Variants in DLG1 observed in about 807,000 individuals in gnomAD.
DLG1 encodes the protein discs large MAGUK scaffold protein 1.
Under a neutral mutation model 123.4 loss-of-function variants are expected in DLG1, and 42 were observed. That is an observed-to-expected ratio of 0.34 (90% confidence interval 0.27 to 0.44). The LOEUF is 0.44. Ranked by LOEUF, DLG1 falls within the 20% of genes least tolerant of loss-of-function variation. DLG1 has a pLI of 1.00. For synonymous variants in DLG1, 317 were observed against 356.2 expected (o/e 0.89, Z 1.24); for missense variants, 942 against 1,082.6 (o/e 0.87, Z 1.82).
At position 197,059,941 on chromosome 3, in the gene DLG1, G is replaced by A; in HGVS notation, c.2431C>T (p.Gln811Ter). ...ATAAAAATGGAGATAGGGTAAAGCT[G>A]TGCAATCTGTAATCTCTTTATGGCA... ...GNAIKRLQIAQLYPISIFIKP... is the reference protein window; with the variant it reads ...GNAIKRLQIA The change falls in exon 23 of 25, where the codon CAG becomes TAG. Residue 811 changes from glutamine to a stop codon, truncating the protein, a stop_gained. Transcript: ENST00000667157. LOFTEE classifies it high-confidence loss of function. 1 of 1,613,790 alleles carries A rather than the reference G, an allele frequency of 6.2e-7. No individual in the cohort carries two copies. Among genetic ancestry groups the A allele is most frequent in the Non-Finnish European group, 8.5e-7 (1 of 1,179,842 alleles).
intron 4 of DLG1, among the ~76,000 whole-genome samples, chr3:197,279,003 T>A (rs1767899768): frequency 6.6e-6 from 1 of 152,212 alleles, no homozygotes; most frequent in South Asian, 2.1e-4. Flanking sequence ...ATTTTCAAAT[T>A]TTTCAAGTTA....
At chr3:197,128,571 A>G (rs1270524018) in intron 11 of DLG1, among the ~76,000 whole-genome samples, 2 of 152,236 alleles carry the variant, frequency 1.3e-5, no homozygotes, top group African/African-American at 4.8e-5. Context: ...AAAGGCATCT[A>G]GACTGGTGAA....
At chr3:197,051,479 G>C (rs1727685748) in intron 24 of DLG1, 98 bp downstream of exon 24, 3 of 882,656 alleles carry the variant, frequency 3.4e-6, no homozygotes, top group Admixed American at 2.0e-5. Flanking sequence ...ACTACGGGTA[G>C]ATGTAGGCAT....
Position 197,122,374 on chromosome 3 carries a change from G to A in DLG1, c.1166-2844C>T, listed in dbSNP as rs563567413. Among the ~76,000 whole-genome samples, 8 of 152,108 alleles carry A rather than the reference G, an allele frequency of 5.3e-5. No individual in the cohort carries two copies. In the East Asian group the frequency reaches 1.5e-3, roughly 29 times the overall value. On this transcript the variant is annotated intron_variant, in intron 11 of 24. Transcript: ENST00000667157. ...ACACCATATACAATGGTGAAATACT[G>A]TGTCCCCCAGTTTGTGAACATGACA...
chr3:197,281,716 G>C (rs1487061058), intron 4 of DLG1, among the ~76,000 whole-genome samples: 2 of 152,204 alleles, frequency 1.3e-5, no homozygotes, highest in Non-Finnish European at 2.9e-5. Context: ...TAAGAGTCCT[G>C]AAATTCAAAG....
chr3:197,202,322 C>T (rs1726202926), intron 4 of DLG1, among the ~76,000 whole-genome samples: 1 of 152,050 alleles, frequency 6.6e-6, no homozygotes, highest in African/African-American at 2.4e-5. Context: ...GATTATAGAA[C>T]CTGAAAACAC....
chr3:197,256,708 G>A (rs1757037497), intron 4 of DLG1, among the ~76,000 whole-genome samples: 1 of 152,116 alleles, frequency 6.6e-6, no homozygotes, highest in African/African-American at 2.4e-5. Flanking sequence ...CCTATAGTTT[G>A]GTTATAAGTT....
chr3:197,219,776 A>G (rs34381158), intron 4 of DLG1, among the ~76,000 whole-genome samples: 43,255 of 152,030 alleles, frequency 0.28, 7,455 homozygotes, highest in East Asian at 0.71. Context: ...GTGAAGAGGC[A>G]GTAAGAAGGT....
chr3:197,207,246 T>C (rs1030457880), intron 4 of DLG1, among the ~76,000 whole-genome samples: 1 of 152,194 alleles, frequency 6.6e-6, no homozygotes, highest in Non-Finnish European at 1.5e-5. Flanking sequence ...GTTAAATCTC[T>C]GATTTAAACT....
At chr3:197,210,870 A>T (rs1730941126) in intron 4 of DLG1, among the ~76,000 whole-genome samples, 1 of 145,594 alleles carries the variant, frequency 6.9e-6, no homozygotes, top group Non-Finnish European at 1.5e-5. Flanking sequence ...ATTACGAAAA[A>T]AGAAAATGAC....
chr3:197,298,481 G>A (rs1028433300), intron 1 of DLG1, 55 bp downstream of exon 1: 18 of 398,326 alleles, frequency 4.5e-5, no homozygotes, highest in African/African-American at 2.3e-4. Context: ...GGGAAGGCTC[G>A]GGCTGTCTGA....
At chr3:197,225,545 G>A (rs913923015) in intron 4 of DLG1, among the ~76,000 whole-genome samples, 3 of 152,148 alleles carry the variant, frequency 2.0e-5, no homozygotes, top group African/African-American at 7.2e-5. Context: ...ACCATCTCCA[G>A]TCCTGCGTAT....
At chr3:197,155,538 C>A (rs1485506823) in intron 5 of DLG1, among the ~76,000 whole-genome samples, 1 of 151,938 alleles carries the variant, frequency 6.6e-6, no homozygotes, top group Non-Finnish European at 1.5e-5. Flanking sequence ...TAATAATAAA[C>A]ACTAGTTAGT....
intron 4 of DLG1, among the ~76,000 whole-genome samples, chr3:197,273,471 C>A (rs1764844206): frequency 6.6e-6 from 1 of 152,032 alleles, no homozygotes; most frequent in Non-Finnish European, 1.5e-5. Flanking sequence ...CTCCTGACCT[C>A]AAGTGATCTG....
intron 4 of DLG1, among the ~76,000 whole-genome samples, chr3:197,263,433 T>C (rs554740973): frequency 6.6e-6 from 1 of 152,276 alleles, no homozygotes; most frequent in East Asian, 1.9e-4. Context: ...ATTTATACCA[T>C]GCCTATGTTT....
At position 197,296,458 on chromosome 3, in the gene DLG1, G is replaced by A; in HGVS notation, c.39C>T (p.His13=). 1 of 1,613,606 alleles carries A rather than the reference G, an allele frequency of 6.2e-7. No individual in the cohort carries two copies. Among genetic ancestry groups the A allele is most frequent in the Non-Finnish European group, 8.5e-7 (1 of 1,179,700 alleles). The stretch of plus-strand genomic sequence containing the variant: ...GTTTTGAACGATATTCCTCCAAAAG[G>A]TGCAATGCTCTCTGGGTATCTGAGA... The part of the protein sequence containing the change: ...VRKQDTQRAL[H]LLEEYRSKLS... The change falls in exon 3 of 25, where the codon CAC becomes CAT. Residue 13 remains histidine (H), a synonymous_variant. Coordinates refer to ENST00000667157, the MANE Select transcript of DLG1 (RefSeq NM_001366207.1).
chr3:197,102,762 C>G (rs929332992), intron 14 of DLG1, among the ~76,000 whole-genome samples: 14 of 152,268 alleles, frequency 9.2e-5, no homozygotes, highest in Non-Finnish European at 1.6e-4. Flanking sequence ...GTAATCCCAC[C>G]TACTTGGGAG....
At chr3:197,154,791 A>G (rs1051503150) in intron 5 of DLG1, among the ~76,000 whole-genome samples, 1 of 152,228 alleles carries the variant, frequency 6.6e-6, no homozygotes, top group African/African-American at 2.4e-5. Context: ...GAGAAGTACA[A>G]TAACAGAAAA....
intron 19 of DLG1, 146 bp from the exon 20 acceptor site, chr3:197,066,900 T>TA (rs545922611): frequency 9.2e-5 from 47 of 512,266 alleles, no homozygotes; most frequent in Middle Eastern, 5.0e-4. Flanking sequence ...AAGATTTAGT[T>TA]AAAAAAAAGT....
Sources: allele counts gnomAD v4.1 joint callset (sites outside exome capture counted in the v4.1 genomes callset), GRCh38; gene constraint gnomAD v4.1.1; transcripts MANE v1.5; gene names NCBI Gene and HGNC (gene_info 2026-07-23, HGNC 2026-07-21).